The following ZC3H4 variants were observed in gnomAD, a reference collection of about 807,000 sequenced individuals.
The protein encoded by ZC3H4 is zinc finger CCCH-type containing 4.
A neutral mutation model predicts 108.3 loss-of-function variants in ZC3H4; 13 were observed. The observed-to-expected ratio is 0.12, with a 90% CI of 0.08 to 0.19. The LOEUF is 0.19. Ranked by LOEUF, ZC3H4 falls within the 10% of genes least tolerant of loss-of-function variation. The pLI, the probability that ZC3H4 is intolerant of heterozygous loss-of-function variation, is 1.00. For missense variants in ZC3H4, 1,734 were observed against 1,838.8 expected (o/e 0.94, Z 1.04); for synonymous variants, 917 against 749.6 (o/e 1.22, Z -3.65).
At chr19:47,070,963 T>C (rs1311642843) in intron 13 of ZC3H4, among the ~76,000 whole-genome samples, 1 of 151,950 alleles carries the variant, frequency 6.6e-6, no homozygotes, top group Non-Finnish European at 1.5e-5. Context: ...CCCCAGCAGC[T>C]GCCACAGCAG....
intron 11 of ZC3H4, among the ~76,000 whole-genome samples, chr19:47,078,970 T>A (rs1600024397): frequency 6.9e-6 from 1 of 143,998 alleles, no homozygotes; most frequent in East Asian, 2.4e-4. Context: ...AAGGTTGCGG[T>A]GAGCAGAGAT....
Position 47,066,442 on chromosome 19 carries a change from G to T in ZC3H4, c.3826C>A (p.Pro1276Thr). 10 of 1,579,126 alleles carry T rather than the reference G, an allele frequency of 6.3e-6. No homozygotes were observed. Among genetic ancestry groups the T allele is most frequent in the Non-Finnish European group, 7.7e-6 (9 of 1,164,094 alleles). The change falls in exon 15 of 15, where the codon CCG becomes ACG. Residue 1276 changes from proline to threonine, a missense_variant. Around this residue, in one of 9 missense-constraint regions of ZC3H4, gnomAD observed 518 missense variants for 499.6 expected, o/e 1.04. Coordinates refer to ENST00000253048, the MANE Select transcript of ZC3H4 (RefSeq NM_015168.2). The part of the protein sequence containing the change: ...GSGSPFAGNS[P>T]AREGEQDAAS... ...GCATCCTGCTCACCCTCGCGGGCCG[G>T]ACTGTTCCCAGCAAATGGGCTTCCT...
Position 47,066,322 on chromosome 19 carries a change from G to A in ZC3H4, c.*34C>T. 1 of 1,469,358 alleles carries A rather than the reference G, an allele frequency of 6.8e-7. No homozygotes were observed. The highest frequency in any genetic ancestry group is 9.0e-7 in the Non-Finnish European group (1 of 1,106,004). 91.0% of individuals were successfully genotyped at this position (1,469,358 alleles called of 1,614,324 possible). ...GGTGCTGCCCTGAATGCCACCCTAG[G>A]AAGGGTGGCTGGAGCCGCAGCTCTG... On this transcript the variant is annotated 3_prime_UTR_variant, in exon 15 of 15. Coordinates refer to ENST00000253048, the MANE Select transcript of ZC3H4 (RefSeq NM_015168.2).
intron 14 of ZC3H4, among the ~76,000 whole-genome samples, 153 bp from the exon 15 acceptor site, chr19:47,068,022 G>T (rs1056559172): frequency 6.6e-6 from 1 of 152,110 alleles, no homozygotes; most frequent in African/African-American, 2.4e-5. Flanking sequence ...CACAGTGGGC[G>T]GCTGAGGAGA....
chr19:47,074,251 C>T (rs1027461920), intron 11 of ZC3H4, among the ~76,000 whole-genome samples: 1 of 152,202 alleles, frequency 6.6e-6, no homozygotes, highest in African/African-American at 2.4e-5. Context: ...ACTACTGGGT[C>T]ACCAGGAGTT....
intron 11 of ZC3H4, among the ~76,000 whole-genome samples, chr19:47,080,397 A>G (rs571832846): frequency 6.6e-6 from 1 of 152,146 alleles, no homozygotes; most frequent in South Asian, 2.1e-4. Flanking sequence ...ACTTCCCTCT[A>G]TTTTCTCTAA....
intron 11 of ZC3H4, among the ~76,000 whole-genome samples, chr19:47,080,476 C>A (rs916964411): frequency 6.6e-6 from 1 of 152,088 alleles, no homozygotes; most frequent in Non-Finnish European, 1.5e-5. Context: ...ATCCTTGCCT[C>A]GTCTTTGTGT....
rs1600100396 is a variant in ZC3H4, at chr19:47,099,443, G to C, written c.162-4835C>G. ...CACTACACTCCAGCCTGGGCAACAA[G>C]AGTGAAACTCCGTCTCAAAAAAAAA... is the stretch of plus-strand genomic sequence containing the variant. On this transcript the variant is annotated intron_variant, in intron 2 of 14. Coordinates refer to ENST00000253048, the MANE Select transcript of ZC3H4 (RefSeq NM_015168.2). Among the ~76,000 whole-genome samples, 3 of 150,760 alleles carry C rather than the reference G, an allele frequency of 2.0e-5. No individual in the cohort carries two copies. The East Asian group carries it at 5.8e-4, about 29-fold the overall frequency.
At chr19:47,113,698 G>T (rs2058067765) in intron 1 of ZC3H4, 22 bp downstream of exon 1, 1 of 152,034 alleles carries the variant, frequency 6.6e-6, no homozygotes, top group Non-Finnish European at 1.5e-5. Context: ...TTCAGGCTAC[G>T]GAGAGGGAAA....
chr19:47,093,261 G>C (rs1312406955), intron 4 of ZC3H4, among the ~76,000 whole-genome samples: 1 of 151,828 alleles, frequency 6.6e-6, no homozygotes, highest in Non-Finnish European at 1.5e-5. Flanking sequence ...TTCTCTTATG[G>C]GATTTTCTGG....
intron 13 of ZC3H4, among the ~76,000 whole-genome samples, chr19:47,070,513 C>A (rs2057307065): frequency 6.6e-6 from 1 of 152,210 alleles, no homozygotes; most frequent in African/African-American, 2.4e-5. Flanking sequence ...TGACGGACTT[C>A]TGGTGCCCCG....
At chr19:47,095,101 T>TCC (rs2057800474) in intron 2 of ZC3H4, among the ~76,000 whole-genome samples, 1 of 151,862 alleles carries the variant, frequency 6.6e-6, no homozygotes. Flanking sequence ...CCACATCCCC[T>TCC]CCCTCCCAGG....
At chr19:47,080,900 T>C (rs938935001) in intron 11 of ZC3H4, among the ~76,000 whole-genome samples, 3 of 152,116 alleles carry the variant, frequency 2.0e-5, no homozygotes, top group Non-Finnish European at 4.4e-5. Context: ...CCCACAGTGC[T>C]GAGATTACAA....
intron 5 of ZC3H4, 50 bp from the exon 6 acceptor site, chr19:47,086,588 G>C: frequency 6.6e-7 from 1 of 1,520,424 alleles, no homozygotes; most frequent in Non-Finnish European, 8.7e-7. Flanking sequence ...GATGCCACCA[G>C]CAAGAAAGAA....
Position 47,067,420 on chromosome 19 carries a change from G to T in ZC3H4, c.2848C>A (p.Arg950=), listed in dbSNP as rs370715179. 8 of 1,605,848 alleles carry T rather than the reference G, an allele frequency of 5.0e-6. No homozygotes were observed. In the African/African-American group the frequency reaches 8.0e-5, roughly 16 times the overall value. Residue 950 remains arginine, a synonymous_variant, in exon 15 of 15, where the codon CGG becomes AGG. Transcript: ENST00000253048. The surrounding 1 kb of genome is among the most constrained non-coding windows in gnomAD (Gnocchi z 6.4). ...TGCTGCAGCTGTGACCGTGGGTCCC[G>T]CAGAGGGTGCCCGGGGAGTGGGTCC... ...PLDPLPGHPL[R]DPRSQLQQFS...
chr19:47,080,291 G>C (rs1006487578), intron 11 of ZC3H4, among the ~76,000 whole-genome samples: 3 of 152,208 alleles, frequency 2.0e-5, no homozygotes, highest in Non-Finnish European at 4.4e-5. Flanking sequence ...TCCTCAGGGA[G>C]GACAACTGAT....
intron 2 of ZC3H4, among the ~76,000 whole-genome samples, chr19:47,110,677 G>C (rs1367840259): frequency 1.3e-5 from 2 of 152,164 alleles, no homozygotes; most frequent in Non-Finnish European, 2.9e-5. Flanking sequence ...TCTGACATAA[G>C]AGAACTCCTT....
At chr19:47,109,012 C>G (rs2058002186) in intron 2 of ZC3H4, among the ~76,000 whole-genome samples, 1 of 152,076 alleles carries the variant, frequency 6.6e-6, no homozygotes, top group Non-Finnish European at 1.5e-5. Flanking sequence ...AAATCTCTCA[C>G]CCAGAGAAAA....
intron 1 of ZC3H4, among the ~76,000 whole-genome samples, chr19:47,112,979 TG>T (rs1230363753): frequency 7.3e-6 from 1 of 136,646 alleles, no homozygotes; most frequent in Non-Finnish European, 1.6e-5. Context: ...GCGAGGGGGG[TG>T]GGGGGTTAAA....
Sources: allele counts gnomAD v4.1 joint callset (sites outside exome capture counted in the v4.1 genomes callset), GRCh38; gene constraint gnomAD v4.1.1; regional missense constraint gnomAD v4.1.1; non-coding constraint Gnocchi (gnomAD v3.1); transcripts MANE v1.5; gene names NCBI Gene and HGNC (gene_info 2026-07-23, HGNC 2026-07-21).